MKLN1: variants seen among roughly 807,000 people sequenced by gnomAD.
MKLN1 encodes muskelin.
In MKLN1, 18 loss-of-function variants were observed where a neutral mutation model predicts 99.0. The observed-to-expected ratio is 0.18, with a 90% CI of 0.13 to 0.27. The LOEUF is 0.27. MKLN1 is among the 10% of genes least tolerant of loss of function. The probability of loss-of-function intolerance (pLI) is 1.00; values close to 1 mark genes in which losing one functional copy is unlikely to be tolerated. For synonymous variants in MKLN1, 288 were observed against 293.2 expected, an observed-to-expected ratio of 0.98 and a Z score of 0.18; for missense variants, 621 against 875.9, an observed-to-expected ratio of 0.71 and a Z score of 3.67.
At chr7:131,355,495 G>C (rs897861595) in intron 1 of MKLN1, among the ~76,000 whole-genome samples, 1 of 151,366 alleles carries the variant, frequency 6.6e-6, no homozygotes, top group Non-Finnish European at 1.5e-5. Flanking sequence ...TTTTCTCATA[G>C]GTTTTGCACA....
intron 1 of MKLN1, among the ~76,000 whole-genome samples, chr7:131,134,210 A>C (rs1431375284): frequency 1.3e-5 from 2 of 152,122 alleles, no homozygotes; most frequent in African/African-American, 4.8e-5. Context: ...GTCTGACCCC[A>C]GAGAAAGCTG....
At chr7:131,280,772 C>A (rs192858181) in intron 3 of MKLN1, among the ~76,000 whole-genome samples, 82 of 152,232 alleles carry the variant, frequency 5.4e-4, no homozygotes, top group Non-Finnish European at 8.7e-4. Context: ...CCTCAGCCTC[C>A]AGAGTAGCTG....
Position 131,289,180 on chromosome 7 carries a change from G to A in MKLN1, c.-179+86206G>A, listed in dbSNP as rs543563856. On this transcript the variant is annotated intron_variant, in intron 3 of 7. Transcript: ENST00000416992. ...GCATAGGTCTGATGCCCTAGATCAG[G>A]TGTCCCCACCCCTGGCCTAAATGGC... 8.5e-5 allele frequency among the ~76,000 whole-genome samples: 13 copies of A among 152,258 alleles called. No individual in the cohort carries two copies. In the South Asian group the frequency reaches 2.5e-3, roughly 29 times the overall value.
At chr7:131,439,840 A>G (rs1484906813) in intron 10 of MKLN1, among the ~76,000 whole-genome samples, 1 of 150,740 alleles carries the variant, frequency 6.6e-6, no homozygotes, top group Admixed American at 6.7e-5. Flanking sequence ...TTCCAGGAAT[A>G]ATGGTAATCA....
chr7:131,265,915 T>C (rs1797800653), intron 3 of MKLN1, among the ~76,000 whole-genome samples: 1 of 152,204 alleles, frequency 6.6e-6, no homozygotes, highest in East Asian at 1.9e-4. Context: ...GGCTCATGCC[T>C]GTAATCCCAA....
chr7:131,197,213 T>TC lies in MKLN1; in HGVS notation c.-296-5644_-296-5643insC, dbSNP rs145700792. Among the ~76,000 whole-genome samples the TC allele has an allele frequency of 1.9e-3, 283 of 150,844 alleles. 2 individuals are homozygous for TC. Among genetic ancestry groups the TC allele is most frequent in the African/African-American group, 6.6e-3 (270 of 41,166 alleles). On this transcript the variant is annotated intron_variant, in intron 2 of 7. Coordinates refer to the MKLN1 transcript ENST00000416992. The stretch of plus-strand genomic sequence containing the variant: ...CAGGCTTGATTGTTTGATTGATTGA[T>TC]TTTTTTTTGAGACAGGGTCTCGCTT...
intron 2 of MKLN1, among the ~76,000 whole-genome samples, chr7:131,161,639 C>T (rs1420169949): frequency 1.3e-5 from 2 of 152,124 alleles, no homozygotes; most frequent in Non-Finnish European, 2.9e-5. Flanking sequence ...GCAAGCTCCG[C>T]CTTCCGGGTT....
intron 3 of MKLN1, among the ~76,000 whole-genome samples, chr7:131,251,514 C>G (rs1443698694): frequency 6.6e-6 from 1 of 152,112 alleles, no homozygotes; most frequent in Non-Finnish European, 1.5e-5. Context: ...ACCTCCATCT[C>G]CAAGGTATTC....
In MKLN1 at chr7:131,347,406, G is replaced by A. The variant is rs760895794; in HGVS notation, c.98+19409G>A. 6.6e-5 allele frequency among the ~76,000 whole-genome samples: 10 copies of A among 152,168 alleles called. 1 individual carries two copies. The highest frequency in any genetic ancestry group is 6.2e-4 in the South Asian group (3 of 4,828). On this transcript the variant is annotated intron_variant, in intron 1 of 17. Transcript: ENST00000352689. ...CTGGAGCCTGATGCTGGAGAAACCT[G>A]TATGGCAGGAATGAAGAGCTAGAGA...
chr7:131,275,555 ATATATATATATATTTTTT>A (rs1797952826), intron 3 of MKLN1, among the ~76,000 whole-genome samples: 1 of 16,794 alleles, frequency 6.0e-5, no homozygotes, highest in African/African-American at 2.2e-4. Flanking sequence ...ATATATATAT[ATATATATATATATTTTTT>A]TTTTTTTTTT....
chr7:131,430,798 C>A (rs1436509252), intron 9 of MKLN1, among the ~76,000 whole-genome samples: 1 of 152,138 alleles, frequency 6.6e-6, no homozygotes, highest in Non-Finnish European at 1.5e-5. Flanking sequence ...TGTGGTGGCT[C>A]ACACCTATAA....
intron 16 of MKLN1, among the ~76,000 whole-genome samples, chr7:131,474,404 T>C (rs944172329): frequency 3.9e-5 from 6 of 152,158 alleles, no homozygotes; most frequent in Admixed American, 2.0e-4. Flanking sequence ...GTTTGAGATA[T>C]CTATGAGACA....
At position 131,496,383 on chromosome 7, in the gene MKLN1, C is replaced by T. The variant is rs1191332917; in HGVS notation, c.*8655C>T. 6.6e-6 allele frequency: 1 copy of T among 152,020 alleles called. No homozygotes were observed. Among genetic ancestry groups the T allele is most frequent in the African/African-American group, 2.4e-5 (1 of 41,294 alleles). The allele number at this position is 152,020 out of a possible 1,614,324, so 9.4% of individuals were successfully genotyped here. ...GGCTCTGTCGTGTTCTGCAATCTTC[C>T]CCATTCCCCTCATGATCTCTGGCTT... On this transcript the variant is annotated 3_prime_UTR_variant, in exon 18 of 18. Coordinates refer to ENST00000352689, the MANE Select transcript of MKLN1 (RefSeq NM_013255.5).
intron 2 of MKLN1, among the ~76,000 whole-genome samples, chr7:131,167,330 T>C (rs2116326462): frequency 6.6e-6 from 1 of 152,220 alleles, no homozygotes; most frequent in South Asian, 2.1e-4. Flanking sequence ...CTGCAACGTT[T>C]TATGTTTTGA....
chr7:131,297,432 T>C (rs952658038), intron 3 of MKLN1, among the ~76,000 whole-genome samples: 2 of 150,148 alleles, frequency 1.3e-5, no homozygotes, highest in Non-Finnish European at 3.0e-5. Flanking sequence ...TGTGTGTACA[T>C]ACACACACAC....
intron 2 of MKLN1, among the ~76,000 whole-genome samples, chr7:131,186,971 C>T (rs910345653): frequency 2.0e-5 from 3 of 152,108 alleles, no homozygotes; most frequent in Admixed American, 6.5e-5. Flanking sequence ...TAAGTGTGTT[C>T]CAGGCAGAAG....
intron 8 of MKLN1, among the ~76,000 whole-genome samples, chr7:131,421,649 A>G (rs1372738174): frequency 6.6e-6 from 1 of 152,206 alleles, no homozygotes; most frequent in Non-Finnish European, 1.5e-5. Flanking sequence ...TATGCCATAT[A>G]TTAATATGCA....
At chr7:131,224,310 C>CTA (rs1265013494) in intron 3 of MKLN1, among the ~76,000 whole-genome samples, 1 of 151,606 alleles carries the variant, frequency 6.6e-6, no homozygotes, top group East Asian at 1.9e-4. Context: ...CTTTGGGAGG[C>CTA]CAAGGTGGGC....
chr7:131,408,440 G>T (rs1794773490), intron 6 of MKLN1, among the ~76,000 whole-genome samples: 1 of 151,800 alleles, frequency 6.6e-6, no homozygotes, highest in African/African-American at 2.4e-5. Flanking sequence ...CTCTATTTTG[G>T]TGCAAAATCA....
Sources: allele counts gnomAD v4.1 joint callset (sites outside exome capture counted in the v4.1 genomes callset), GRCh38; gene constraint gnomAD v4.1.1; transcripts MANE v1.5; gene names NCBI Gene and HGNC (gene_info 2026-07-23, HGNC 2026-07-21).